PANX1: variants seen among roughly 807,000 people sequenced by gnomAD.
The protein encoded by PANX1 is pannexin-1.
A neutral mutation model predicts 38.7 loss-of-function variants in PANX1; 30 were observed. That is an observed-to-expected ratio of 0.78 (90% CI 0.58 to 1.05). The LOEUF (loss-of-function observed/expected upper bound fraction) is 1.05, where lower values mean the gene tolerates loss of function less well. Ranked by LOEUF, PANX1 falls within the 50% of genes least tolerant of loss-of-function variation. PANX1 has a pLI of 0.00. For synonymous variants in PANX1, 230 were observed against 212.2 expected, an observed-to-expected ratio of 1.08 and a Z score of -0.73; for missense variants, 551 against 517.2, an observed-to-expected ratio of 1.07 and a Z score of -0.63.
At chr11:94,149,350 G>C (rs1246236135) in intron 1 of PANX1, among the ~76,000 whole-genome samples, 1 of 152,172 alleles carries the variant, frequency 6.6e-6, no homozygotes, top group Non-Finnish European at 1.5e-5. Context: ...AGGGCCACCT[G>C]TGCTGCTGCT....
At position 94,180,162 on chromosome 11, in the gene PANX1, A is replaced by G. The variant is rs1339334036; in HGVS notation, c.1106A>G (p.Asn369Ser). 5.6e-6 allele frequency: 9 copies of G among 1,614,030 alleles called. No individual in the cohort carries two copies. Among genetic ancestry groups the G allele is most frequent in the Non-Finnish European group, 7.6e-6 (9 of 1,179,950 alleles). ...ATCGACCCAATGCTACTCCTGACAA[A>G]CCTTGGCATGATCAAGATGGATGTT... is the stretch of plus-strand genomic sequence containing the variant. ...QGIDPMLLLT[N>S]LGMIKMDVVD... The change falls in exon 4 of 5, where the codon AAC (asparagine) becomes AGC (serine). Residue 369 changes from asparagine to serine, a missense_variant. Asn to Ser is a conservative substitution (Grantham distance 46, BLOSUM62 1). Coordinates refer to ENST00000227638, the MANE Select transcript of PANX1 (RefSeq NM_015368.4).
At chr11:94,129,961 C>T (rs1946607781) in intron 1 of PANX1, among the ~76,000 whole-genome samples, 1 of 152,212 alleles carries the variant, frequency 6.6e-6, no homozygotes, top group Non-Finnish European at 1.5e-5. Flanking sequence ...TTGGTATTTG[C>T]TGAGATCTTA....
intron 1 of PANX1, among the ~76,000 whole-genome samples, chr11:94,144,698 A>G (rs962484139): frequency 1.3e-4 from 19 of 150,554 alleles, no homozygotes; most frequent in African/African-American, 4.7e-4. Context: ...ATCCTTCTCC[A>G]CTCCACCCAG....
At chr11:94,173,315 T>G (rs971985059) in intron 2 of PANX1, among the ~76,000 whole-genome samples, 2 of 151,688 alleles carry the variant, frequency 1.3e-5, no homozygotes, top group African/African-American at 4.9e-5. Flanking sequence ...TCTCCTTGGA[T>G]GATCTTAACC....
intron 1 of PANX1, among the ~76,000 whole-genome samples, chr11:94,134,273 T>C (rs1445291288): frequency 2.6e-5 from 4 of 152,172 alleles, no homozygotes; most frequent in Non-Finnish European, 5.9e-5. Flanking sequence ...AGGCCCTTCA[T>C]TTCTAACACA....
intron 1 of PANX1, among the ~76,000 whole-genome samples, chr11:94,141,537 G>T (rs1946761616): frequency 6.6e-6 from 1 of 152,082 alleles, no homozygotes. Context: ...CTTGGCTTAT[G>T]AAATACCCCT....
intron 1 of PANX1, among the ~76,000 whole-genome samples, chr11:94,148,116 T>C (rs1222110243): frequency 6.6e-6 from 1 of 152,192 alleles, no homozygotes; most frequent in Non-Finnish European, 1.5e-5. Context: ...GGAGGGTACT[T>C]ATATTTTCTC....
At chr11:94,145,709 C>T (rs1946821679) in intron 1 of PANX1, among the ~76,000 whole-genome samples, 1 of 152,138 alleles carries the variant, frequency 6.6e-6, no homozygotes, top group African/African-American at 2.4e-5. Context: ...CAGACTAAAC[C>T]GTTTAAAACA....
intron 1 of PANX1, among the ~76,000 whole-genome samples, chr11:94,141,934 T>C (rs1219469826): frequency 3.3e-5 from 5 of 152,198 alleles, no homozygotes; most frequent in Admixed American, 3.3e-4. Context: ...GCAGGTTAGC[T>C]GCTAAACATC....
intron 1 of PANX1, among the ~76,000 whole-genome samples, chr11:94,139,036 T>A (rs916532627): frequency 6.6e-6 from 1 of 152,200 alleles, no homozygotes; most frequent in Non-Finnish European, 1.5e-5. Context: ...CCCATTGTCA[T>A]TTATTGAGGA....
chr11:94,159,296 T>G (rs1331201989), intron 2 of PANX1, among the ~76,000 whole-genome samples: 2 of 152,308 alleles, frequency 1.3e-5, no homozygotes, highest in Non-Finnish European at 2.9e-5. Context: ...TCCCTCTTTT[T>G]CTATTGATTG....
In PANX1 at chr11:94,129,068, A is replaced by C. The variant is rs1946590112; in HGVS notation, c.-245A>C. 1 of 388,700 alleles carries C rather than the reference A, an allele frequency of 2.6e-6. No homozygotes were observed. The highest frequency in any genetic ancestry group is 2.3e-5 in the African/African-American group (1 of 44,352). 24.1% of individuals were successfully genotyped at this position (388,700 alleles called of 1,614,324 possible). A position where few individuals can be genotyped will look rare whatever the true frequency, so the allele number is the denominator to read the frequency against. The stretch of plus-strand genomic sequence containing the variant: ...GCACGGGCGTGCGGGGTGGAACCGC[A>C]GGAAGCGGAGCTCTCGGGTTCCCGC... On this transcript the variant is annotated 5_prime_UTR_variant, in exon 1 of 5. Coordinates refer to ENST00000227638, the MANE Select transcript of PANX1 (RefSeq NM_015368.4).
intron 1 of PANX1, among the ~76,000 whole-genome samples, chr11:94,131,460 C>T (rs1946628682): frequency 1.3e-5 from 2 of 152,218 alleles, no homozygotes; most frequent in African/African-American, 2.4e-5. Context: ...CCTCTCCCTG[C>T]CCTGTGGCAG....
At chr11:94,160,404 G>T (rs980776956) in intron 2 of PANX1, among the ~76,000 whole-genome samples, 21 of 152,118 alleles carry the variant, frequency 1.4e-4, no homozygotes, top group South Asian at 8.3e-4. Flanking sequence ...TGAATCTGGG[G>T]GCTCCTGTAT....
At chr11:94,146,225 G>C (rs777529892) in intron 1 of PANX1, among the ~76,000 whole-genome samples, 8 of 152,150 alleles carry the variant, frequency 5.3e-5, no homozygotes, top group Non-Finnish European at 1.0e-4. Flanking sequence ...AACAGTAATG[G>C]ATTATAAAAT....
chr11:94,134,013 A>G lies in PANX1; in HGVS notation c.181+4520A>G, dbSNP rs986412528. 2.0e-5 allele frequency among the ~76,000 whole-genome samples: 3 copies of G among 150,882 alleles called. No homozygotes were observed. In the South Asian group the frequency reaches 6.2e-4, roughly 31 times the overall value. On this transcript the variant is annotated intron_variant, in intron 1 of 4. Coordinates refer to ENST00000227638, the MANE Select transcript of PANX1 (RefSeq NM_015368.4). The stretch of plus-strand genomic sequence containing the variant: ...GTCAGGCCTGTCCTGGCCACCTCCC[A>G]GACACCTGCCTCTGATGATAGCAGT...
At chr11:94,158,022 T>C (rs1159969342) in intron 2 of PANX1, among the ~76,000 whole-genome samples, 1 of 152,214 alleles carries the variant, frequency 6.6e-6, no homozygotes, top group East Asian at 1.9e-4. Flanking sequence ...ATTTCTTGTT[T>C]TTGTCAGGTT....
intron 2 of PANX1, chr11:94,175,915 G>A: frequency 1.0e-6 from 1 of 984,426 alleles, no homozygotes; most frequent in Non-Finnish European, 1.2e-6. Context: ...AAGTTTTGGG[G>A]TCATTTGTGC....
At chr11:94,138,739 T>A (rs1049511199) in intron 1 of PANX1, among the ~76,000 whole-genome samples, 1 of 152,156 alleles carries the variant, frequency 6.6e-6, no homozygotes, top group African/African-American at 2.4e-5. Context: ...AAATACTGGA[T>A]CTTATTCATT....
Sources: allele counts gnomAD v4.1 joint callset (sites outside exome capture counted in the v4.1 genomes callset), GRCh38; gene constraint gnomAD v4.1.1; transcripts MANE v1.5; gene names NCBI Gene and HGNC (gene_info 2026-07-23, HGNC 2026-07-21).